The following EFCC1 variants were observed in gnomAD, a reference collection of about 807,000 sequenced individuals.
EFCC1 encodes the protein EF-hand and coiled-coil domain containing 1.
Under a neutral mutation model 52.1 loss-of-function variants are expected in EFCC1, and 50 were observed. The ratio of observed to expected loss-of-function variants is 0.96; its 90% CI spans 0.76 to 1.21. The LOEUF (loss-of-function observed/expected upper bound fraction) is 1.21, where lower values mean the gene tolerates loss of function less well. Among genes scored for constraint, EFCC1 ranks in the 50% most tolerant of loss-of-function variants. EFCC1 has a pLI of 0.00. For missense variants in EFCC1, 837 were observed against 867.3 expected, an observed-to-expected ratio of 0.97 and a Z score of 0.44; for synonymous variants, 399 against 396.5, an observed-to-expected ratio of 1.01 and a Z score of -0.08.
intron 5 of EFCC1, among the ~76,000 whole-genome samples, chr3:129,036,126 A>T (rs1407518600): frequency 2.6e-5 from 4 of 152,236 alleles, no homozygotes; most frequent in Non-Finnish European, 5.9e-5. Flanking sequence ...GTTGTGGGCC[A>T]TCAGGAAATA....
chr3:129,011,658 A>C (rs1945335530), intron 2 of EFCC1, among the ~76,000 whole-genome samples: 1 of 152,036 alleles, frequency 6.6e-6, no homozygotes, highest in African/African-American at 2.4e-5. Context: ...AAAAGCAAGG[A>C]GGCAGAGGAG....
intron 2 of EFCC1, among the ~76,000 whole-genome samples, chr3:129,004,746 C>A (rs74499751): frequency 1.0e-3 from 152 of 152,246 alleles, no homozygotes; most frequent in African/African-American, 3.5e-3. Flanking sequence ...AGCCTCACAG[C>A]TGCCCTGTGA....
At chr3:129,034,860 G>A (rs1946336152) in intron 5 of EFCC1, among the ~76,000 whole-genome samples, 1 of 152,188 alleles carries the variant, frequency 6.6e-6, no homozygotes, top group Non-Finnish European at 1.5e-5. Flanking sequence ...TCCCTGTGGT[G>A]GTGGGGCGGG....
At chr3:129,018,280 A>G (rs1162668458) in intron 2 of EFCC1, among the ~76,000 whole-genome samples, 1 of 152,248 alleles carries the variant, frequency 6.6e-6, no homozygotes, top group Non-Finnish European at 1.5e-5. Context: ...ATCCGGGGTT[A>G]GCAAACTACA....
intron 1 of EFCC1, 180 bp downstream of exon 1, chr3:129,002,504 CCA>C: frequency 8.1e-7 from 1 of 1,233,792 alleles, no homozygotes; most frequent in Non-Finnish European, 1.1e-6. Flanking sequence ...CCATTCCACT[CCA>C]GTCCCCAACC....
At position 129,039,790 on chromosome 3, in the gene EFCC1, C is replaced by G; in HGVS notation, c.1742C>G (p.Pro581Arg). 6.2e-7 allele frequency: 1 copy of G among 1,612,446 alleles called. No individual in the cohort carries two copies. The highest frequency in any genetic ancestry group is 2.2e-5 in the East Asian group (1 of 44,774). ...GCCTGCCAGCTGTTGCGGAGACAGC[C>G]CTCGGCACCAGCCTCTGCAGCAGCT... The part of the protein sequence containing the change: ...LAACQLLRRQ[P>R]SAPASAAAAL... The change falls in exon 8 of 8, where the codon CCC (proline) becomes CGC (arginine). Residue 581 changes from proline (P) to arginine (R), a missense_variant. Coordinates refer to ENST00000683648, the MANE Select transcript of EFCC1 (RefSeq NM_001377500.1).
intron 4 of EFCC1, among the ~76,000 whole-genome samples, chr3:129,033,795 A>G (rs190284133): frequency 2.0e-4 from 31 of 152,160 alleles, no homozygotes; most frequent in African/African-American, 7.5e-4. Context: ...GGGCAGGGAG[A>G]TGCAGGGAAG....
chr3:129,012,647 G>A (rs1440286874), intron 2 of EFCC1, among the ~76,000 whole-genome samples: 5 of 152,164 alleles, frequency 3.3e-5, no homozygotes, highest in Admixed American at 6.5e-5. Context: ...CTGTTGGCCC[G>A]GACCAGGGCA....
intron 2 of EFCC1, among the ~76,000 whole-genome samples, chr3:129,013,850 T>C (rs1945445660): frequency 6.6e-6 from 1 of 152,142 alleles, no homozygotes; most frequent in Non-Finnish European, 1.5e-5. Context: ...GGGCTACTTG[T>C]GGGCAATGAT....
At chr3:129,029,162 G>T (rs1174915900) in intron 2 of EFCC1, among the ~76,000 whole-genome samples, 1 of 152,140 alleles carries the variant, frequency 6.6e-6, no homozygotes, top group East Asian at 1.9e-4. Context: ...CTTCATATTG[G>T]GTTCTATCGG....
intron 6 of EFCC1, among the ~76,000 whole-genome samples, chr3:129,037,936 T>C (rs973636546): frequency 7.3e-5 from 11 of 151,474 alleles, no homozygotes; most frequent in Non-Finnish European, 1.5e-4. Flanking sequence ...TGGTGGTGTA[T>C]GCCTGTGGTC....
chr3:129,024,547 A>G (rs535728313), intron 2 of EFCC1, among the ~76,000 whole-genome samples: 20 of 152,262 alleles, frequency 1.3e-4, no homozygotes, highest in East Asian at 1.9e-4. Flanking sequence ...AAAGAAAAAA[A>G]AAAAGAAAAA....
At chr3:129,002,583 C>T in intron 1 of EFCC1, 1 of 589,620 alleles carries the variant, frequency 1.7e-6, no homozygotes, top group Non-Finnish European at 2.6e-6. Context: ...CCCCACTTTT[C>T]TGCTCCACCG....
Position 129,034,346 on chromosome 3 carries a change from G to A in EFCC1, c.1452+17G>A, listed in dbSNP as rs369596849. 1.7e-5 allele frequency: 27 copies of A among 1,612,648 alleles called. No individual in the cohort carries two copies. The highest frequency in any genetic ancestry group is 2.3e-5 in the Non-Finnish European group (27 of 1,179,494). ...GAGGAGGAGGTCAGCAGAGCCTAGA[G>A]ATCAAAGGCTGGAGCAATTCTAGAG... On this transcript the variant is annotated intron_variant, in intron 5 of 7. Transcript: ENST00000683648.
rs748862254 is a variant in EFCC1 at position 129,001,637 on chromosome 3, G to T, written c.9G>T (p.Pro3=). 1 of 1,374,998 alleles carries T rather than the reference G, an allele frequency of 7.3e-7. No homozygotes were observed. Among genetic ancestry groups the T allele is most frequent in the Non-Finnish European group, 9.4e-7 (1 of 1,068,776 alleles). 85.2% of individuals were successfully genotyped at this position (1,374,998 alleles called of 1,614,324 possible). The part of the protein sequence containing the change: ME[P]VSTGAEAGME... ...AGGCGCGCGGCGCAGCGATGGAGCC[G>T]GTCAGCACGGGCGCGGAGGCCGGCA... The change falls in exon 1 of 8, where the codon CCG becomes CCT. Residue 3 remains proline (P), a synonymous_variant. Transcript: ENST00000683648.
rs948126598 is a variant in EFCC1, at chr3:129,001,503, G to A, written c.-126G>A. The stretch of plus-strand genomic sequence containing the variant: ...AGCGCAGCTGCTGGACACGGTCCCC[G>A]GCGCCGCTCCAACCAGACCGCGACC... On this transcript the variant is annotated 5_prime_UTR_variant, in exon 1 of 8. Coordinates refer to ENST00000683648, the MANE Select transcript of EFCC1 (RefSeq NM_001377500.1). 2 of 1,302,124 alleles carry A rather than the reference G, an allele frequency of 1.5e-6. No homozygotes were observed. Among genetic ancestry groups the A allele is most frequent in the Non-Finnish European group, 9.8e-7 (1 of 1,024,196 alleles). The allele number at this position is 1,302,124 out of a possible 1,614,324, so 80.7% of individuals were successfully genotyped here. A position where few individuals can be genotyped will look rare whatever the true frequency, so the allele number is the denominator to read the frequency against.
chr3:129,015,264 G>A (rs1318325725), intron 2 of EFCC1, among the ~76,000 whole-genome samples: 2 of 152,110 alleles, frequency 1.3e-5, no homozygotes, highest in African/African-American at 4.8e-5. Flanking sequence ...GCCTACTCCT[G>A]ACCAATCCAC....
intron 2 of EFCC1, among the ~76,000 whole-genome samples, chr3:129,015,419 CG>C (rs542875219): frequency 1.5e-4 from 22 of 151,440 alleles, no homozygotes; most frequent in African/African-American, 3.9e-4. Flanking sequence ...TCTGCTCCTT[CG>C]GGGGGGGAGG....
At chr3:129,031,339 G>C (rs974454156) in intron 3 of EFCC1, among the ~76,000 whole-genome samples, 4 of 152,186 alleles carry the variant, frequency 2.6e-5, no homozygotes, top group African/African-American at 9.7e-5. Context: ...GGGAGTGGGG[G>C]CTGAGGCAGA....
Sources: allele counts gnomAD v4.1 joint callset (sites outside exome capture counted in the v4.1 genomes callset), GRCh38; gene constraint gnomAD v4.1.1; transcripts MANE v1.5; gene names NCBI Gene and HGNC (gene_info 2026-07-23, HGNC 2026-07-21).